NVL: variants seen among roughly 807,000 people sequenced by gnomAD.
NVL encodes nuclear VCP like.
In NVL, 84 loss-of-function variants were observed where a neutral mutation model predicts 110.2. That is an observed-to-expected ratio of 0.76 (90% CI 0.64 to 0.91). NVL has a LOEUF of 0.91. NVL is among the 40% of genes least tolerant of loss of function. The pLI, the probability that NVL is intolerant of heterozygous loss-of-function variation, is 0.00. For missense variants in NVL, 882 were observed against 1,035.9 expected, an observed-to-expected ratio of 0.85 and a Z score of 2.04; for synonymous variants, 354 against 361.1, an observed-to-expected ratio of 0.98 and a Z score of 0.22.
At position 224,243,597 on chromosome 1, in the gene NVL, T is replaced by C. The variant is rs116384520; in HGVS notation, c.2289+6615A>G. Reference sequence around the variant, plus strand: ...GTGTATAAATGTAAAATGAAAATACTACATGGAACAGAGTAAGGGCTTAAT... The same window carrying C: ...GTGTATAAATGTAAAATGAAAATACCACATGGAACAGAGTAAGGGCTTAAT... On this transcript the variant is annotated intron_variant, in intron 19 of 22. Coordinates refer to ENST00000281701, the MANE Select transcript of NVL (RefSeq NM_002533.4). Among the ~76,000 whole-genome samples the C allele has an allele frequency of 6.9e-3, 1,044 of 152,024 alleles. 11 individuals are homozygous for C. Among genetic ancestry groups the C allele is most frequent in the African/African-American group, 0.023 (966 of 41,464 alleles).
chr1:224,231,375 T>C, intron 21 of NVL, 79 bp from the exon 22 acceptor site: 1 of 1,125,880 alleles, frequency 8.9e-7, no homozygotes, highest in Non-Finnish European at 1.3e-6. Flanking sequence ...TTTGAAAGAC[T>C]TCAAAACTTT....
chr1:224,269,317 C>T (rs1206025917), intron 17 of NVL, among the ~76,000 whole-genome samples: 3 of 150,598 alleles, frequency 2.0e-5, no homozygotes, highest in East Asian at 4.0e-4. Flanking sequence ...AACCCCTGAG[C>T]TCAACCAATC....
intron 19 of NVL, 45 bp downstream of exon 19, chr1:224,250,167 A>G (rs1662304564): frequency 4.4e-6 from 7 of 1,584,066 alleles, no homozygotes; most frequent in Non-Finnish European, 6.0e-6. Context: ...TCTCTATTTA[A>G]AACAAGAGAA....
chr1:224,296,972 C>G (rs964806298), intron 10 of NVL, among the ~76,000 whole-genome samples: 3 of 151,944 alleles, frequency 2.0e-5, no homozygotes, highest in African/African-American at 7.3e-5. Flanking sequence ...GAAAAAAAAA[C>G]TTAAGACAAC....
At chr1:224,322,053 C>A (rs1467174454) in intron 2 of NVL, among the ~76,000 whole-genome samples, 1 of 151,886 alleles carries the variant, frequency 6.6e-6, no homozygotes, top group African/African-American at 2.4e-5. Flanking sequence ...GAGTGAGTGG[C>A]GGGGATAGAA....
chr1:224,304,786 T>G lies in NVL; in HGVS notation c.775A>C (p.Ile259Leu). Residue 259 changes from isoleucine to leucine, a missense_variant, in exon 8 of 23, where the codon ATC becomes CTC. Around this residue, in one of 4 missense-constraint regions of NVL, gnomAD observed 416 missense variants for 499.3 expected, o/e 0.83. Transcript: ENST00000281701. ...KAKARGLEFQ[I>L]SNVKFEDVGG... ...ACATCTTCAAACTTCACGTTGGAGA[T>G]CTGGAATTCTAACCCCCTGGCTTTA... 1 of 1,614,104 alleles carries G rather than the reference T, an allele frequency of 6.2e-7. No individual in the cohort carries two copies. The highest frequency in any genetic ancestry group is 8.5e-7 in the Non-Finnish European group (1 of 1,179,994).
rs761497263 is a variant in NVL, at chr1:224,304,778, G to A, written c.783C>T (p.Asn261=). 1.7e-5 allele frequency: 28 copies of A among 1,613,960 alleles called. No individual in the cohort carries two copies. Among genetic ancestry groups the A allele is most frequent in the South Asian group, 9.9e-5 (9 of 91,068 alleles). Residue 261 remains asparagine, a synonymous_variant, in exon 8 of 23, where the codon AAC becomes AAT. Transcript: ENST00000281701. The part of the protein sequence containing the change: ...KARGLEFQIS[N]VKFEDVGGND... ...TGCCTCCCACATCTTCAAACTTCAC[G>A]TTGGAGATCTGGAATTCTAACCCCC...
At chr1:224,291,103 A>G (rs993047019) in intron 12 of NVL, among the ~76,000 whole-genome samples, 6 of 152,240 alleles carry the variant, frequency 3.9e-5, no homozygotes, top group African/African-American at 1.4e-4. Flanking sequence ...CATTTATTCA[A>G]TCTATATTAT....
At chr1:224,297,344 T>C (rs558737168) in intron 10 of NVL, among the ~76,000 whole-genome samples, 6 of 152,282 alleles carry the variant, frequency 3.9e-5, no homozygotes, top group African/African-American at 1.4e-4. Context: ...TCACCTCCAG[T>C]TTTTTTGTTT....
chr1:224,269,193 T>A (rs1664805237), intron 17 of NVL, among the ~76,000 whole-genome samples: 1 of 151,124 alleles, frequency 6.6e-6, no homozygotes, highest in South Asian at 2.1e-4. Context: ...GCTCAAGCAG[T>A]CCTCCGACCT....
chr1:224,282,897 A>G (rs2102602496), intron 15 of NVL, among the ~76,000 whole-genome samples: 1 of 152,338 alleles, frequency 6.6e-6, no homozygotes, highest in South Asian at 2.1e-4. Context: ...AAGATCAGCC[A>G]AATACCTAAT....
At chr1:224,302,152 T>C (rs994385047) in intron 9 of NVL, among the ~76,000 whole-genome samples, 1 of 152,208 alleles carries the variant, frequency 6.6e-6, no homozygotes, top group Non-Finnish European at 1.5e-5. Flanking sequence ...CAAATGATTT[T>C]CTTTCATAGA....
intron 16 of NVL, among the ~76,000 whole-genome samples, chr1:224,278,526 C>G (rs1318805331): frequency 6.6e-6 from 1 of 152,090 alleles, no homozygotes; most frequent in African/African-American, 2.4e-5. Context: ...CCACCGCACC[C>G]AGCCCAGATC....
chr1:224,294,514 T>C (rs2404783), intron 11 of NVL, 103 bp from the exon 12 acceptor site: 1,161,154 of 1,258,664 alleles, frequency 0.92, 539,836 homozygotes, highest in Admixed American at 0.94. Context: ...TTACAGATTT[T>C]GACAGCAACA....
chr1:224,293,411 G>T (rs978841719), intron 12 of NVL, among the ~76,000 whole-genome samples: 1 of 152,124 alleles, frequency 6.6e-6, no homozygotes, highest in Non-Finnish European at 1.5e-5. Context: ...CACCTCAACA[G>T]TGCTTCCTGA....
Position 224,294,358 on chromosome 1 carries a change from G to T in NVL, c.1234C>A (p.Arg412=). ...AAAGCAGGGTCTAACGAGTCTGGTC[G>T]ATTAGTAGCTCCAATAACTAGGACC... ...ARVLVIGATN[R]PDSLDPALRR... is the part of the protein sequence containing the mutation. Residue 412 remains arginine, a synonymous_variant, in exon 12 of 23, where the codon CGA becomes AGA. Coordinates refer to ENST00000281701, the MANE Select transcript of NVL (RefSeq NM_002533.4). The T allele has an allele frequency of 6.2e-7, 1 of 1,614,010 alleles. No individual in the cohort carries two copies. Among genetic ancestry groups the T allele is most frequent in the Non-Finnish European group, 8.5e-7 (1 of 1,180,010 alleles).
intron 10 of NVL, among the ~76,000 whole-genome samples, chr1:224,296,884 A>G (rs1039041092): frequency 6.6e-6 from 1 of 152,184 alleles, no homozygotes; most frequent in African/African-American, 2.4e-5. Context: ...TGATAAATCT[A>G]CTGAAATTCT....
chr1:224,239,867 G>A (rs1284621086), intron 19 of NVL, among the ~76,000 whole-genome samples: 1 of 152,094 alleles, frequency 6.6e-6, no homozygotes, highest in East Asian at 1.9e-4. Flanking sequence ...AAGACATTGT[G>A]CATCGCATCT....
At chr1:224,311,390 AC>A (rs1207764514) in intron 5 of NVL, among the ~76,000 whole-genome samples, 1 of 146,564 alleles carries the variant, frequency 6.8e-6, no homozygotes, top group Non-Finnish European at 1.5e-5. Flanking sequence ...GTAGGGTCTC[AC>A]TCTGTCACCC....
Sources: allele counts gnomAD v4.1 joint callset (sites outside exome capture counted in the v4.1 genomes callset), GRCh38; gene constraint gnomAD v4.1.1; regional missense constraint gnomAD v4.1.1; transcripts MANE v1.5; gene names NCBI Gene and HGNC (gene_info 2026-07-23, HGNC 2026-07-21).